The following ADD2 variants were observed in gnomAD, a reference collection of about 807,000 sequenced individuals.
ADD2 encodes beta-adducin.
In ADD2, 23 loss-of-function variants were observed where a neutral mutation model predicts 83.0. The ratio of observed to expected loss-of-function variants is 0.28; its 90% CI spans 0.20 to 0.39. The LOEUF (loss-of-function observed/expected upper bound fraction) is 0.39, where lower values mean the gene tolerates loss of function less well. Ranked by LOEUF, ADD2 falls within the 10% of genes least tolerant of loss-of-function variation. The probability of loss-of-function intolerance (pLI) is 1.00; values close to 1 mark genes in which losing one functional copy is unlikely to be tolerated. For missense variants in ADD2, 758 were observed against 944.9 expected, an observed-to-expected ratio of 0.80 and a Z score of 2.59; for synonymous variants, 375 against 375.4, an observed-to-expected ratio of 1.00 and a Z score of 0.01.
Position 70,657,808 on chromosome 2 carries a change from C to G in ADD2, c.*5617G>C, listed in dbSNP as rs1415847779. The G allele has an allele frequency of 2.6e-5, 4 of 152,216 alleles. No individual in the cohort carries two copies. Among genetic ancestry groups the G allele is most frequent in the African/African-American group, 9.7e-5 (4 of 41,422 alleles). The allele number at this position is 152,216 out of a possible 1,614,324, so 9.4% of individuals were successfully genotyped here. On this transcript the variant is annotated 3_prime_UTR_variant, in exon 16 of 16. Coordinates refer to ENST00000264436, the MANE Select transcript of ADD2 (RefSeq NM_001617.4). ...ACCTAGAGATAAGCAATTTGCCGAT[C>G]ACAGCTGGCCTCAGTTCGGGACACA...
In ADD2 at chr2:70,659,672, T is replaced by A. The variant is rs180771470; in HGVS notation, c.*3753A>T. 6.6e-6 allele frequency: 1 copy of A among 152,296 alleles called. No homozygotes were observed. The highest frequency in any genetic ancestry group is 1.5e-5 in the Non-Finnish European group (1 of 68,122). The allele number at this position is 152,296 out of a possible 1,614,324, so 9.4% of individuals were successfully genotyped here. On this transcript the variant is annotated 3_prime_UTR_variant, in exon 16 of 16. Transcript: ENST00000264436. ...GGGTTGCATGCAGGCCAGGAGGCTCTTAGGGAGTCCAGATCTGGGCTAGAA... is the reference window on the plus strand; with the variant it reads ...GGGTTGCATGCAGGCCAGGAGGCTCATAGGGAGTCCAGATCTGGGCTAGAA...
intron 1 of ADD2, among the ~76,000 whole-genome samples, chr2:70,765,168 C>T (rs1476348516): frequency 1.3e-5 from 2 of 152,014 alleles, no homozygotes; most frequent in African/African-American, 4.8e-5. Flanking sequence ...GCCTGGCCAA[C>T]ATGGCGAAAC....
chr2:70,702,873 T>C (rs1671670735), intron 4 of ADD2, among the ~76,000 whole-genome samples: 1 of 152,178 alleles, frequency 6.6e-6, no homozygotes, highest in Admixed American at 6.5e-5. Context: ...ACGTCTGTAA[T>C]GCTAACACTT....
intron 1 of ADD2, among the ~76,000 whole-genome samples, chr2:70,733,668 G>T (rs1558567379): frequency 6.6e-6 from 1 of 152,182 alleles, no homozygotes; most frequent in Non-Finnish European, 1.5e-5. Flanking sequence ...TATCAAAAAG[G>T]TGTTCTGGGT....
chr2:70,739,644 G>C (rs1239531665), intron 1 of ADD2, among the ~76,000 whole-genome samples: 1 of 152,162 alleles, frequency 6.6e-6, no homozygotes, highest in Admixed American at 6.5e-5. Flanking sequence ...TGGCAGACTG[G>C]ACAAAGAAAA....
chr2:70,697,123 G>T (rs1241146762), intron 4 of ADD2, among the ~76,000 whole-genome samples: 1 of 152,150 alleles, frequency 6.6e-6, no homozygotes, highest in Non-Finnish European at 1.5e-5. Context: ...ACGCCAGCCT[G>T]GGGACAGAGC....
intron 1 of ADD2, among the ~76,000 whole-genome samples, chr2:70,737,425 G>C (rs1187249011): frequency 2.6e-5 from 4 of 152,040 alleles, no homozygotes; most frequent in African/African-American, 9.7e-5. Context: ...ATCCTTTGTA[G>C]GGACATGGAT....
At chr2:70,738,390 C>A (rs1673697906) in intron 1 of ADD2, among the ~76,000 whole-genome samples, 1 of 152,168 alleles carries the variant, frequency 6.6e-6, no homozygotes. Context: ...ATCTATGAGA[C>A]TGAAAAGAGA....
intron 1 of ADD2, among the ~76,000 whole-genome samples, chr2:70,722,762 G>A (rs1368679217): frequency 1.3e-5 from 2 of 152,184 alleles, no homozygotes; most frequent in Admixed American, 6.5e-5. Context: ...AATGTCATAA[G>A]GCAAGACCAG....
chr2:70,709,190 T>C (rs1409017170), intron 2 of ADD2, among the ~76,000 whole-genome samples: 3 of 152,130 alleles, frequency 2.0e-5, no homozygotes, highest in African/African-American at 7.2e-5. Context: ...TAGTTAGTCA[T>C]CTTCTTATGA....
chr2:70,749,070 C>T (rs1674378142), intron 1 of ADD2, among the ~76,000 whole-genome samples: 1 of 152,166 alleles, frequency 6.6e-6, no homozygotes, highest in African/African-American at 2.4e-5. Context: ...GTTTAACTGA[C>T]TCATAGTTTT....
intron 1 of ADD2, among the ~76,000 whole-genome samples, chr2:70,761,025 T>A (rs1553384779): frequency 6.6e-6 from 1 of 152,106 alleles, no homozygotes; most frequent in East Asian, 1.9e-4. Context: ...AAGAAGTTCT[T>A]AGGCAAGCAA....
intron 1 of ADD2, among the ~76,000 whole-genome samples, chr2:70,764,376 C>T (rs1257615886): frequency 2.0e-5 from 3 of 152,014 alleles, no homozygotes; most frequent in Non-Finnish European, 4.4e-5. Context: ...GATCTTCAAT[C>T]CCTGCCAATA....
Position 70,683,770 on chromosome 2 carries a change from G to A in ADD2, c.949-3C>T, listed in dbSNP as rs1553370053. ...CCGGCACTGGACAGAGCCGACACCT[G>A]TAGCAAAGAGCAGAGAGCCCTCAGC... On this transcript the variant is annotated splice_region_variant and splice_polypyrimidine_tract_variant and intron_variant, in intron 9 of 15. Transcript: ENST00000264436. The A allele has an allele frequency of 6.2e-7, 1 of 1,606,894 alleles. No individual in the cohort carries two copies. The highest frequency in any genetic ancestry group is 1.1e-5 in the South Asian group (1 of 90,814).
chr2:70,700,420 A>G (rs1553373359), intron 4 of ADD2, among the ~76,000 whole-genome samples: 2 of 152,190 alleles, frequency 1.3e-5, no homozygotes, highest in Non-Finnish European at 2.9e-5. Context: ...AATAATTACT[A>G]TGTGTCAAAT....
At chr2:70,721,996 G>A (rs1205392549) in intron 1 of ADD2, among the ~76,000 whole-genome samples, 1 of 152,180 alleles carries the variant, frequency 6.6e-6, no homozygotes, top group Non-Finnish European at 1.5e-5. Flanking sequence ...TAAGATAGAG[G>A]AAGGAGGGAA....
At chr2:70,760,256 C>T (rs782388644) in intron 1 of ADD2, among the ~76,000 whole-genome samples, 3 of 152,138 alleles carry the variant, frequency 2.0e-5, no homozygotes, top group Non-Finnish European at 4.4e-5. Flanking sequence ...GATCTCGGGT[C>T]CCAGCCATGA....
chr2:70,664,071 A>G (rs1430083938), intron 15 of ADD2, among the ~76,000 whole-genome samples: 1 of 152,224 alleles, frequency 6.6e-6, no homozygotes. Flanking sequence ...AAACAGACAC[A>G]GAGAAAGGAG....
At chr2:70,729,012 T>A (rs1015292855) in intron 1 of ADD2, among the ~76,000 whole-genome samples, 1 of 152,232 alleles carries the variant, frequency 6.6e-6, no homozygotes, top group Admixed American at 6.5e-5. Flanking sequence ...AATGTCAGAG[T>A]TACAGGGACT....
Sources: allele counts gnomAD v4.1 joint callset (sites outside exome capture counted in the v4.1 genomes callset), GRCh38; gene constraint gnomAD v4.1.1; transcripts MANE v1.5; gene names NCBI Gene and HGNC (gene_info 2026-07-23, HGNC 2026-07-21).